Variants in SGCG observed in about 807,000 individuals in gnomAD.
The protein encoded by SGCG is gamma-sarcoglycan.
In SGCG, 26 loss-of-function variants were observed where a neutral mutation model predicts 29.3. The ratio of observed to expected loss-of-function variants is 0.89; its 90% CI spans 0.65 to 1.23. SGCG has a LOEUF of 1.23. SGCG is among the 50% of genes most tolerant of loss of function. The pLI is 0.00. For synonymous variants in SGCG, 145 were observed against 129.7 expected (o/e 1.12, Z -0.80); for missense variants, 353 against 356.0 (o/e 0.99, Z 0.07).
intron 5 of SGCG, among the ~76,000 whole-genome samples, chr13:23,285,133 C>T (rs556416936): frequency 6.2e-4 from 95 of 152,318 alleles, no homozygotes; most frequent in East Asian, 3.9e-3. Context: ...ATAGCTCAAG[C>T]GCTGTGCTGG....
At chr13:23,277,570 T>A (rs1881127771) in intron 4 of SGCG, among the ~76,000 whole-genome samples, 1 of 151,976 alleles carries the variant, frequency 6.6e-6, no homozygotes, top group Admixed American at 6.6e-5. Context: ...CCAAAACGGA[T>A]CAATGCATTA....
At chr13:23,200,915 C>A (rs957626342) in intron 1 of SGCG, among the ~76,000 whole-genome samples, 1 of 151,860 alleles carries the variant, frequency 6.6e-6, no homozygotes, top group East Asian at 1.9e-4. Flanking sequence ...GGAGTCAGGG[C>A]GAGAGGGACT....
intron 4 of SGCG, among the ~76,000 whole-genome samples, chr13:23,259,527 TTA>T (rs1261969034): frequency 6.6e-6 from 1 of 152,184 alleles, no homozygotes; most frequent in Non-Finnish European, 1.5e-5. Flanking sequence ...GAAGGGTTTT[TTA>T]TGTTTCTATC....
In SGCG at chr13:23,322,790, G is replaced by A. The variant is rs1374174874; in HGVS notation, c.703-1578G>A. ...TCCACCTCCCCCCCCCCCCCCCCCCGCCAACAGGTGTAACGTGGTGCCGCG... is the reference window on the plus strand; with the variant it reads ...TCCACCTCCCCCCCCCCCCCCCCCCACCAACAGGTGTAACGTGGTGCCGCG... On this transcript the variant is annotated intron_variant, in intron 7 of 7. Coordinates refer to ENST00000218867, the MANE Select transcript of SGCG (RefSeq NM_000231.3). Among the ~76,000 whole-genome samples the A allele has an allele frequency of 9.7e-3, 287 of 29,634 alleles. 4 individuals carry two copies. Among genetic ancestry groups the A allele is most frequent in the Middle Eastern group, 0.05 (3 of 60 alleles). The allele number at this position is 29,634 out of a possible 152,430, so 19.4% of individuals were successfully genotyped here.
the SGCG span, among the ~76,000 whole-genome samples, chr13:23,173,135 G>A: frequency 6.6e-6 from 1 of 152,128 alleles, no homozygotes; most frequent in Non-Finnish European, 1.5e-5. Flanking sequence ...CAGCAGTGGT[G>A]GACTCCTAAT....
intron 6 of SGCG, among the ~76,000 whole-genome samples, chr13:23,301,922 G>A (rs1882175890): frequency 6.6e-6 from 1 of 151,696 alleles, no homozygotes; most frequent in African/African-American, 2.4e-5. Flanking sequence ...AAAAATCAAT[G>A]GGAACACTAC....
At chr13:23,301,170 A>G (rs1177358463) in intron 6 of SGCG, among the ~76,000 whole-genome samples, 1 of 152,164 alleles carries the variant, frequency 6.6e-6, no homozygotes, top group Non-Finnish European at 1.5e-5. Context: ...AGCTGCTACA[A>G]ATAATCTCCT....
At chr13:23,228,428 C>A (rs1878982357) in intron 2 of SGCG, among the ~76,000 whole-genome samples, 2 of 127,788 alleles carry the variant, frequency 1.6e-5, no homozygotes, top group African/African-American at 5.5e-5. Flanking sequence ...TATGTCAATT[C>A]CTACTTTTTT....
chr13:23,195,222 C>T (rs1286659984), intron 1 of SGCG, among the ~76,000 whole-genome samples: 1 of 152,122 alleles, frequency 6.6e-6, no homozygotes, highest in Non-Finnish European at 1.5e-5. Flanking sequence ...TGGTATTATT[C>T]TTTAGTCAAG....
intron 3 of SGCG, among the ~76,000 whole-genome samples, chr13:23,237,370 G>A (rs554647525): frequency 6.6e-6 from 1 of 152,310 alleles, no homozygotes; most frequent in South Asian, 2.1e-4. Context: ...ATGATCATCT[G>A]TGAAGTTCTC....
intron 4 of SGCG, among the ~76,000 whole-genome samples, chr13:23,252,723 A>C (rs1432783170): frequency 6.6e-6 from 1 of 152,068 alleles, no homozygotes; most frequent in Non-Finnish European, 1.5e-5. Context: ...CAAACAAAAA[A>C]GTTAATTAGT....
chr13:23,175,883 A>C, the SGCG span, among the ~76,000 whole-genome samples: 118 of 152,258 alleles, frequency 7.7e-4, 1 homozygote, highest in African/African-American at 2.8e-3. Context: ...ATAATCAAAG[A>C]ATATGAGTGA....
intron 2 of SGCG, among the ~76,000 whole-genome samples, chr13:23,208,978 CTTTG>C (rs957404299): frequency 2.0e-5 from 3 of 151,654 alleles, no homozygotes; most frequent in African/African-American, 7.3e-5. Context: ...AGTTATCAAC[CTTTG>C]TTTGCATATA....
At chr13:23,267,695 A>G (rs1038043486) in intron 4 of SGCG, 5 of 152,306 alleles carry the variant, frequency 3.3e-5, no homozygotes, top group Non-Finnish European at 5.9e-5. Flanking sequence ...AGAGACAGCA[A>G]TGCCATCACA....
chr13:23,166,505 A>G, the SGCG span, among the ~76,000 whole-genome samples: 9 of 152,144 alleles, frequency 5.9e-5, no homozygotes, highest in Admixed American at 5.2e-4. Context: ...CTGTTCCAGT[A>G]AGTTGTGATT....
At chr13:23,182,424 G>C (rs1277799009) in intron 1 of SGCG, among the ~76,000 whole-genome samples, 1 of 151,948 alleles carries the variant, frequency 6.6e-6, no homozygotes, top group African/African-American at 2.4e-5. Flanking sequence ...TGCTCCTTCA[G>C]AACCCACCTT....
intron 6 of SGCG, among the ~76,000 whole-genome samples, chr13:23,299,800 C>T (rs498132): frequency 0.56 from 84,731 of 151,776 alleles, 24,664 homozygotes; most frequent in East Asian, 0.84. Context: ...AAAGTATGAA[C>T]GCTGACAAAC....
At chr13:23,232,607 C>G (rs1192070776) in intron 2 of SGCG, among the ~76,000 whole-genome samples, 2 of 152,024 alleles carry the variant, frequency 1.3e-5, no homozygotes, top group African/African-American at 4.8e-5. Context: ...ACGGTGAAAC[C>G]CTGTCTCTAT....
chr13:23,252,684 G>GT (rs1880018686), intron 4 of SGCG, among the ~76,000 whole-genome samples: 1 of 151,190 alleles, frequency 6.6e-6, no homozygotes, highest in African/African-American at 2.4e-5. Context: ...GAGTGAGACT[G>GT]TGTCTCAAAA....
Sources: allele counts gnomAD v4.1 joint callset (sites outside exome capture counted in the v4.1 genomes callset), GRCh38; gene constraint gnomAD v4.1.1; transcripts MANE v1.5; gene names NCBI Gene and HGNC (gene_info 2026-07-23, HGNC 2026-07-21).